The following RETREG1 variants were observed in gnomAD, a reference collection of about 807,000 sequenced individuals.
RETREG1 encodes the protein reticulophagy regulator 1.
RETREG1 carries 44 observed loss-of-function variants against 54.8 expected under a neutral mutation model. That is an observed-to-expected ratio of 0.80 (90% CI 0.63 to 1.03). The LOEUF is 1.03. Ranked by LOEUF, RETREG1 falls within the 50% of genes least tolerant of loss-of-function variation. The pLI is 0.00. For synonymous variants in RETREG1, 217 were observed against 238.5 expected (o/e 0.91, Z 0.83); for missense variants, 554 against 605.1 (o/e 0.92, Z 0.89).
At chr5:16,528,937 C>T (rs2126592295) in intron 3 of RETREG1, among the ~76,000 whole-genome samples, 1 of 152,292 alleles carries the variant, frequency 6.6e-6, no homozygotes, top group East Asian at 1.9e-4. Context: ...TACATACCCT[C>T]ACCCACACGT....
At chr5:16,492,229 T>TCTCTCTCTCTCTCTCACACACACA (rs1406702350) in intron 3 of RETREG1, among the ~76,000 whole-genome samples, 1 of 110,570 alleles carries the variant, frequency 9.0e-6, no homozygotes, top group African/African-American at 3.1e-5. Context: ...TCTCTCTCTC[T>TCTCTCTCTCTCTCTCACACACACA]CACACACACA....
chr5:16,528,470 A>C (rs184310755), intron 3 of RETREG1, among the ~76,000 whole-genome samples: 1 of 152,158 alleles, frequency 6.6e-6, no homozygotes, highest in East Asian at 1.9e-4. Flanking sequence ...TATATATTCC[A>C]CCTGCCTGGG....
At chr5:16,564,481 C>T (rs1317724374) in intron 3 of RETREG1, among the ~76,000 whole-genome samples, 4 of 152,186 alleles carry the variant, frequency 2.6e-5, no homozygotes, top group Admixed American at 2.6e-4. Flanking sequence ...ATGACTGTTT[C>T]CCTATCTCAA....
intron 3 of RETREG1, among the ~76,000 whole-genome samples, chr5:16,507,693 A>C (rs1459081402): frequency 1.3e-5 from 2 of 152,206 alleles, no homozygotes; most frequent in Non-Finnish European, 2.9e-5. Flanking sequence ...ACACACAAAC[A>C]TGCCCCATAT....
Position 16,616,917 on chromosome 5 carries a change from C to A in RETREG1, c.55G>T (p.Ala19Ser), listed in dbSNP as rs1399809860. Residue 19 changes from alanine (A) to serine (S), a missense_variant, in exon 1 of 9, where the codon GCC (alanine) becomes TCC (serine). By Grantham distance (99) the Ala-to-Ser change is moderately conservative (BLOSUM62 1). Around this residue, in one of 4 missense-constraint regions of RETREG1, gnomAD observed 175 missense variants for 142.1 expected, o/e 1.23. Transcript: ENST00000306320. ...GGCGACGGCGGCGCCTGCTCCTCGG[C>A]GGCAGGAGCCGGGCATCCCTCCTCG... is the stretch of plus-strand genomic sequence containing the variant. ...HAEEGCPAPA[A>S]EEQAPPSPPP... The A allele has an allele frequency of 4.7e-6, 7 of 1,476,832 alleles. No homozygotes were observed. The African/African-American group carries it at 8.8e-5, about 19-fold the overall frequency. The allele number at this position is 1,476,832 out of a possible 1,614,324, so 91.5% of individuals were successfully genotyped here. A position where few individuals can be genotyped will look rare whatever the true frequency, so the allele number is the denominator to read the frequency against.
Position 16,561,219 on chromosome 5 carries a change from C to T in RETREG1, c.458+4544G>A, listed in dbSNP as rs541674575. ...CCTTCCTATAAACGGTACTTCCCGCCGGGCGCAGTGGCTCACACCTGTAAT... is the reference window on the plus strand; with the variant it reads ...CCTTCCTATAAACGGTACTTCCCGCTGGGCGCAGTGGCTCACACCTGTAAT... On this transcript the variant is annotated intron_variant, in intron 3 of 8. Coordinates refer to ENST00000306320, the MANE Select transcript of RETREG1 (RefSeq NM_001034850.3). This position sits in a 1 kb window ranked among gnomAD's most constrained non-coding sequence, Gnocchi z 4.2. Among the ~76,000 whole-genome samples, 6 of 151,924 alleles carry T rather than the reference C, an allele frequency of 3.9e-5. No individual in the cohort carries two copies. Among genetic ancestry groups the T allele is most frequent in the South Asian group, 4.2e-4 (2 of 4,802 alleles).
rs965129261 is a variant in RETREG1 at position 16,616,849 on chromosome 5, C to G, written c.123G>C (p.Glu41Asp). 32 of 1,510,702 alleles carry G rather than the reference C, an allele frequency of 2.1e-5. No homozygotes were observed. In the Admixed American group the frequency reaches 6.4e-4, roughly 30 times the overall value. 93.6% of individuals were successfully genotyped at this position (1,510,702 alleles called of 1,614,324 possible). The change falls in exon 1 of 9, where the codon GAG (glutamate) becomes GAC (aspartate). Residue 41 changes from glutamate (E) to aspartate (D), a missense_variant. Transcript: ENST00000306320. Reference protein sequence around the residue: ...QASPAERQQQEEEAQEAGAAE... With the variant: ...QASPAERQQQDEEAQEAGAAE... ...CCGCCCCAGCTTCCTGCGCTTCCTCCTCCTGCTGCTGCCGCTCTGCGGGGG... is the reference window on the plus strand; with the variant it reads ...CCGCCCCAGCTTCCTGCGCTTCCTCGTCCTGCTGCTGCCGCTCTGCGGGGG...
intron 1 of RETREG1, among the ~76,000 whole-genome samples, chr5:16,584,849 G>A (rs938969760): frequency 6.6e-6 from 1 of 152,110 alleles, no homozygotes; most frequent in African/African-American, 2.4e-5. Flanking sequence ...TGGCTGGGGG[G>A]TACATTTCTT....
intron 3 of RETREG1, among the ~76,000 whole-genome samples, chr5:16,529,514 C>T (rs911772528): frequency 1.1e-4 from 16 of 152,162 alleles, no homozygotes; most frequent in African/African-American, 3.9e-4. Flanking sequence ...TAATTAGCTT[C>T]TTATCATATC....
intron 3 of RETREG1, among the ~76,000 whole-genome samples, chr5:16,549,017 C>T (rs544251337): frequency 6.6e-6 from 1 of 152,324 alleles, no homozygotes; most frequent in South Asian, 2.1e-4. Context: ...AAAGCCCTGT[C>T]CAAGCAGCCT....
intron 3 of RETREG1, among the ~76,000 whole-genome samples, chr5:16,520,871 A>T (rs958072421): frequency 1.3e-5 from 2 of 152,120 alleles, no homozygotes; most frequent in Non-Finnish European, 2.9e-5. Context: ...GAGGAGCAGG[A>T]GGTGGCAGGG....
At position 16,473,270 on chromosome 5, in the gene RETREG1, A is replaced by G. The variant is rs1738377619; in HGVS notation, c.*1471T>C. On this transcript the variant is annotated 3_prime_UTR_variant, in exon 9 of 9. Coordinates refer to ENST00000306320, the MANE Select transcript of RETREG1 (RefSeq NM_001034850.3). ...GGCACTAATGACATAAGCAATCACAAAAAGCAAGTGTTCAAAGTCTTCAGT... is the reference window on the plus strand; with the variant it reads ...GGCACTAATGACATAAGCAATCACAGAAAGCAAGTGTTCAAAGTCTTCAGT... 1.3e-5 allele frequency: 2 copies of G among 152,604 alleles called. No homozygotes were observed. Among genetic ancestry groups the G allele is most frequent in the Admixed American group, 1.3e-4 (2 of 15,274 alleles). 9.5% of individuals were successfully genotyped at this position (152,604 alleles called of 1,614,324 possible). A position where few individuals can be genotyped will look rare whatever the true frequency, so the allele number is the denominator to read the frequency against.
chr5:16,577,830 C>G (rs1461486488), intron 1 of RETREG1, among the ~76,000 whole-genome samples: 1 of 152,270 alleles, frequency 6.6e-6, no homozygotes, highest in Non-Finnish European at 1.5e-5. Context: ...ACCCCTTTTG[C>G]TTAGCTCTCA....
chr5:16,604,025 G>C (rs540840919), intron 1 of RETREG1, among the ~76,000 whole-genome samples: 17 of 152,336 alleles, frequency 1.1e-4, no homozygotes, highest in African/African-American at 4.1e-4. Context: ...TGAAGCCACA[G>C]TTGGTGCCGA....
At chr5:16,600,104 G>T (rs922481655) in intron 1 of RETREG1, among the ~76,000 whole-genome samples, 2 of 152,114 alleles carry the variant, frequency 1.3e-5, no homozygotes, top group Non-Finnish European at 2.9e-5. Flanking sequence ...ATGTTCAAGC[G>T]ATTCTCCTGC....
rs200951949 is a variant in RETREG1 at position 16,474,669 on chromosome 5, C to CTTTTTTTTTTTTTTTTTCT, written c.*71_*72insAGAAAAAAAAAAAAAAAAA. ...CTTACAGTTCAATTTTTTTCTTTTC[C>CTTTTTTTTTTTTTTTTTCT]TTTTTTTTTTTTTTTTCTTGTTTGA... On this transcript the variant is annotated 3_prime_UTR_variant, in exon 9 of 9. Coordinates refer to ENST00000306320, the MANE Select transcript of RETREG1 (RefSeq NM_001034850.3). The CTTTTTTTTTTTTTTTTTCT allele has an allele frequency of 1.6e-6, 2 of 1,265,268 alleles. No homozygotes were observed. The highest frequency in any genetic ancestry group is 2.1e-6 in the Non-Finnish European group (2 of 938,280). The allele number at this position is 1,265,268 out of a possible 1,614,324, so 78.4% of individuals were successfully genotyped here.
chr5:16,616,782 C>G lies in RETREG1; in HGVS notation c.190G>C (p.Ala64Pro). The G allele has an allele frequency of 6.5e-7, 1 of 1,532,566 alleles. No homozygotes were observed. Among genetic ancestry groups the G allele is most frequent in the Non-Finnish European group, 8.7e-7 (1 of 1,146,482 alleles). The allele number at this position is 1,532,566 out of a possible 1,614,324, so 94.9% of individuals were successfully genotyped here. A position where few individuals can be genotyped will look rare whatever the true frequency, so the allele number is the denominator to read the frequency against. ...GLQVEEAAGR[A>P]AAAVTWLLGE... ...AGCAGCCAGGTTACCGCGGCCGCCG[C>G]CCGGCCCGCGGCCTCCTCCACCTGC... The change falls in exon 1 of 9, where the codon GCG (alanine) becomes CCG (proline). Residue 64 changes from alanine to proline, a missense_variant. Transcript: ENST00000306320.
intron 3 of RETREG1, among the ~76,000 whole-genome samples, chr5:16,520,753 T>C (rs1207805869): frequency 6.6e-6 from 1 of 152,192 alleles, no homozygotes; most frequent in Non-Finnish European, 1.5e-5. Context: ...TATTTAGTGG[T>C]TGATGACCAT....
chr5:16,521,577 C>CA (rs1219072229), intron 3 of RETREG1, among the ~76,000 whole-genome samples: 1 of 152,210 alleles, frequency 6.6e-6, no homozygotes, highest in African/African-American at 2.4e-5. Flanking sequence ...TGGAAATTTT[C>CA]AAAGTCCACA....
Sources: allele counts gnomAD v4.1 joint callset (sites outside exome capture counted in the v4.1 genomes callset), GRCh38; gene constraint gnomAD v4.1.1; regional missense constraint gnomAD v4.1.1; non-coding constraint Gnocchi (gnomAD v3.1); transcripts MANE v1.5; gene names NCBI Gene and HGNC (gene_info 2026-07-23, HGNC 2026-07-21).